The following BICD1 variants were observed in gnomAD, a reference collection of about 807,000 sequenced individuals.
BICD1 encodes the protein BICD cargo adaptor 1, also known as protein bicaudal D homolog 1.
A neutral mutation model predicts 92.5 loss-of-function variants in BICD1; 35 were observed. The observed-to-expected ratio is 0.38, with a 90% CI of 0.29 to 0.50. The LOEUF (loss-of-function observed/expected upper bound fraction) is 0.50, where lower values mean the gene tolerates loss of function less well. Among genes scored for constraint, BICD1 ranks in the 20% least tolerant of loss-of-function variants. BICD1 has a pLI of 0.93. For missense variants in BICD1, 950 were observed against 1,189.8 expected (o/e 0.80, Z 2.97); for synonymous variants, 429 against 465.1 (o/e 0.92, Z 1.00).
In BICD1 at chr12:32,377,750, C is replaced by A; in HGVS notation, c.*123C>A. Reference sequence around the variant, plus strand: ...GATGTACAATTGGATTAATGTCCATCGTTTTGGAAGACGAGAGAAAGTTGA... The same window carrying A: ...GATGTACAATTGGATTAATGTCCATAGTTTTGGAAGACGAGAGAAAGTTGA... On this transcript the variant is annotated 3_prime_UTR_variant, in exon 10 of 10. Transcript: ENST00000652176. The A allele has an allele frequency of 1.2e-6, 1 of 839,786 alleles. No homozygotes were observed. The allele number at this position is 839,786 out of a possible 1,614,324, so 52.0% of individuals were successfully genotyped here.
chr12:32,374,749 T>G (rs1324994384), intron 9 of BICD1, among the ~76,000 whole-genome samples: 1 of 138,032 alleles, frequency 7.2e-6, no homozygotes, highest in Non-Finnish European at 1.6e-5. Flanking sequence ...TTTTTTTTTT[T>G]TTTTTTTTTG....
intron 2 of BICD1, among the ~76,000 whole-genome samples, chr12:32,259,828 T>C (rs1046635395): frequency 1.3e-5 from 2 of 152,216 alleles, no homozygotes; most frequent in African/African-American, 2.4e-5. Flanking sequence ...AGTAACATCT[T>C]TCTGCAGAGT....
chr12:32,296,267 T>G (rs1435054730), intron 3 of BICD1, among the ~76,000 whole-genome samples: 67 of 146,952 alleles, frequency 4.6e-4, no homozygotes, highest in African/African-American at 1.7e-3. Context: ...TTTTTTTTTT[T>G]TTTTTTTGAG....
intron 2 of BICD1, among the ~76,000 whole-genome samples, chr12:32,237,090 T>A (rs113882984): frequency 6.6e-6 from 1 of 151,710 alleles, no homozygotes; most frequent in Non-Finnish European, 1.5e-5. Context: ...TTAGCCAGGA[T>A]GGTCTCGATC....
chr12:32,305,956 A>G lies in BICD1; in HGVS notation c.839A>G (p.Asn280Ser). Residue 280 changes from asparagine (N) to serine (S), a missense_variant, in exon 4 of 10, where the codon AAC becomes AGC. Physicochemically the swap from Asn to Ser is conservative, Grantham distance 46 (BLOSUM62 1). Coordinates refer to ENST00000652176, the MANE Select transcript of BICD1 (RefSeq NM_001714.4). ...TTTGCCGAGGATGGGAGTGAACCAA[A>G]CAATGATGACAAAATGAACGGTCAT... ...LKFAEDGSEP[N>S]NDDKMNGHIH... 6.2e-7 allele frequency: 1 copy of G among 1,614,230 alleles called. No homozygotes were observed. Among genetic ancestry groups the G allele is most frequent in the Non-Finnish European group, 8.5e-7 (1 of 1,180,042 alleles).
At chr12:32,135,231 G>C (rs1490559587) in intron 1 of BICD1, among the ~76,000 whole-genome samples, 2 of 151,748 alleles carry the variant, frequency 1.3e-5, no homozygotes, top group African/African-American at 4.8e-5. Context: ...TGGGATTACA[G>C]GTGCATGCCA....
intron 2 of BICD1, among the ~76,000 whole-genome samples, chr12:32,292,857 G>A (rs1248937312): frequency 1.3e-5 from 2 of 152,030 alleles, no homozygotes; most frequent in African/African-American, 4.8e-5. Flanking sequence ...TATGTTACAT[G>A]TATAAATGTT....
intron 8 of BICD1, among the ~76,000 whole-genome samples, chr12:32,358,464 C>T (rs913570085): frequency 6.6e-6 from 1 of 151,130 alleles, no homozygotes; most frequent in African/African-American, 2.4e-5. Context: ...AGAGGCCAGG[C>T]ACAGTGGCTC....
chr12:32,125,600 T>C (rs1942299289), intron 1 of BICD1, among the ~76,000 whole-genome samples: 1 of 152,164 alleles, frequency 6.6e-6, no homozygotes. Context: ...GGTCCTGTGG[T>C]CTAAGACATC....
intron 2 of BICD1, among the ~76,000 whole-genome samples, chr12:32,266,407 G>T (rs1338570419): frequency 6.6e-6 from 1 of 152,070 alleles, no homozygotes; most frequent in Non-Finnish European, 1.5e-5. Flanking sequence ...TATGATAACA[G>T]GCCACATTCT....
At chr12:32,318,291 A>G (rs1325385359) in intron 4 of BICD1, among the ~76,000 whole-genome samples, 1 of 152,150 alleles carries the variant, frequency 6.6e-6, no homozygotes, top group Admixed American at 6.5e-5. Context: ...GAATCTATAA[A>G]TTACCTTGGG....
intron 6 of BICD1, among the ~76,000 whole-genome samples, chr12:32,336,271 G>A (rs1214007646): frequency 6.6e-6 from 1 of 151,954 alleles, no homozygotes; most frequent in Non-Finnish European, 1.5e-5. Context: ...TTTTCTCCAC[G>A]CCACCTCTAC....
chr12:32,230,649 AT>A (rs1313356067), intron 2 of BICD1, among the ~76,000 whole-genome samples: 7 of 152,138 alleles, frequency 4.6e-5, no homozygotes, highest in African/African-American at 1.7e-4. Context: ...AAAGCACAGA[AT>A]TTTTAGAGAG....
chr12:32,351,487 C>CAAA (rs35002678), intron 8 of BICD1, among the ~76,000 whole-genome samples: 409 of 56,984 alleles, frequency 7.2e-3, no homozygotes, highest in East Asian at 9.5e-3. Flanking sequence ...GACTCTGTCT[C>CAAA]AAAAAAAAAA....
intron 8 of BICD1, chr12:32,339,622 A>C: frequency 1.0e-6 from 1 of 985,226 alleles, no homozygotes; most frequent in Non-Finnish European, 1.2e-6. Flanking sequence ...TTGTTCTATG[A>C]AGAGGCCTAA....
At chr12:32,311,786 A>G (rs1206616249) in intron 4 of BICD1, among the ~76,000 whole-genome samples, 1 of 152,196 alleles carries the variant, frequency 6.6e-6, no homozygotes, top group African/African-American at 2.4e-5. Flanking sequence ...TTAGCTGATT[A>G]TCTCCTGGAT....
chr12:32,142,405 T>TAAAAAAAAAAAA (rs1162662533), intron 1 of BICD1, among the ~76,000 whole-genome samples: 1 of 63,388 alleles, frequency 1.6e-5, no homozygotes. Flanking sequence ...AGACTCTGTC[T>TAAAAAAAAAAAA]AAAAAAAAAA....
At chr12:32,198,156 G>T (rs1678516610) in intron 1 of BICD1, among the ~76,000 whole-genome samples, 2 of 151,680 alleles carry the variant, frequency 1.3e-5, no homozygotes, top group Admixed American at 1.3e-4. Flanking sequence ...GGTGAGCTGA[G>T]ATCGTGCCAT....
Position 32,216,311 on chromosome 12 carries a change from C to G in BICD1, c.278C>G (p.Thr93Arg). The part of the protein sequence containing the change: ...VAEDGETREE[T>R]LLQESASKEA... ...GAAGATGGAGAGACTCGGGAGGAAA[C>G]GCTTCTGCAGGAGTCAGCATCGAAG... Residue 93 changes from threonine (T) to arginine (R), a missense_variant, in exon 2 of 10, where the codon ACG becomes AGG. By Grantham distance (71) the Thr-to-Arg change is moderately conservative. This residue lies in a region of BICD1 where 202 missense variants were observed against 205.3 expected (regional missense o/e 0.98). Coordinates refer to ENST00000652176, the MANE Select transcript of BICD1 (RefSeq NM_001714.4). The G allele has an allele frequency of 1.2e-6, 2 of 1,614,128 alleles. No homozygotes were observed. The highest frequency in any genetic ancestry group is 3.3e-5 in the Admixed American group (2 of 60,012).
Sources: gnomAD v4.1 joint callset for allele counts (sites outside exome capture counted in the v4.1 genomes callset) on GRCh38, gnomAD v4.1.1 for gene constraint, gnomAD v4.1.1 regional missense constraint, MANE v1.5 for transcripts, NCBI Gene and HGNC (gene_info 2026-07-23, HGNC 2026-07-21) for gene names.